PCDHGB6: variants seen among roughly 807,000 people sequenced by gnomAD.
The protein encoded by PCDHGB6 is protocadherin gamma-B6.
Under a neutral mutation model 59.1 loss-of-function variants are expected in PCDHGB6, and 51 were observed. That is an observed-to-expected ratio of 0.86 (90% CI 0.69 to 1.09). The LOEUF is 1.09. Among genes scored for constraint, PCDHGB6 ranks in the 50% least tolerant of loss-of-function variants. The pLI is 0.00. For synonymous variants in PCDHGB6, 466 were observed against 495.1 expected, an observed-to-expected ratio of 0.94 and a Z score of 0.78; for missense variants, 1,148 against 1,205.1, an observed-to-expected ratio of 0.95 and a Z score of 0.70.
rs553462245 is a variant in PCDHGB6 at position 141,511,198 on chromosome 5, A to T, written c.*25A>T. Reference sequence around the variant, plus strand: ...ACATGGAGGCCAGGCCAAGAGCCACAGGGCGGCCTCTCCCCAACCAGCCCA... The same window carrying T: ...ACATGGAGGCCAGGCCAAGAGCCACTGGGCGGCCTCTCCCCAACCAGCCCA... On this transcript the variant is annotated 3_prime_UTR_variant, in exon 4 of 4. Transcript: ENST00000520790. The T allele has an allele frequency of 2.7e-5, 43 of 1,612,954 alleles. 1 individual carries two copies. The South Asian group carries it at 4.5e-4, about 17-fold the overall frequency.
chr5:141,485,408 T>C lies in PCDHGB6; in HGVS notation c.2419-9399T>C. On this transcript the variant is annotated intron_variant, in intron 1 of 3. Transcript: ENST00000520790. The surrounding 1 kb of genome is among the most constrained non-coding windows in gnomAD (Gnocchi z 5.7). ...GAACCAAAGACACTTCCGTGTGGAT[T>C]TGGACAGCGGAGCCCTGCTCATCAA... 1 of 1,614,112 alleles carries C rather than the reference T, an allele frequency of 6.2e-7. No individual in the cohort carries two copies. Among genetic ancestry groups the C allele is most frequent in the Non-Finnish European group, 8.5e-7 (1 of 1,180,034 alleles).
Position 141,489,091 on chromosome 5 carries a change from T to A in PCDHGB6, c.2419-5716T>A. 1.9e-4 allele frequency: 63 copies of A among 332,802 alleles called. No individual in the cohort carries two copies. Among genetic ancestry groups the A allele is most frequent in the East Asian group, 2.9e-4 (6 of 20,542 alleles). The allele number at this position is 332,802 out of a possible 1,614,324, so 20.6% of individuals were successfully genotyped here. A position where few individuals can be genotyped will look rare whatever the true frequency, so the allele number is the denominator to read the frequency against. ...CTGCCCACCCCCGCCACTCGGTGAC[T>A]AAGAACTGCTGCAAGCAGGCAAACC... On this transcript the variant is annotated intron_variant, in intron 1 of 3. Transcript: ENST00000520790. This position sits in a 1 kb window ranked among gnomAD's most constrained non-coding sequence, Gnocchi z 4.5.
In PCDHGB6 at chr5:141,489,423, C is replaced by A. The variant is rs754178145; in HGVS notation, c.2419-5384C>A. 7.4e-6 allele frequency: 12 copies of A among 1,613,982 alleles called. No homozygotes were observed. Among genetic ancestry groups the A allele is most frequent in the Non-Finnish European group, 1.0e-5 (12 of 1,180,044 alleles). On this transcript the variant is annotated intron_variant, in intron 1 of 3. Transcript: ENST00000520790. The surrounding 1 kb of genome is among the most constrained non-coding windows in gnomAD (Gnocchi z 4.5). Reference sequence around the variant, plus strand: ...GCTTAAAGATGACAGATCTGTTGAGCCGGCGGCTGCAATTGGGCTCTGAGG... The same window carrying A: ...GCTTAAAGATGACAGATCTGTTGAGACGGCGGCTGCAATTGGGCTCTGAGG...
chr5:141,485,070 G>T lies in PCDHGB6; in HGVS notation c.2419-9737G>T. ...CGCCGGCCGAACCGCGCCAGAGCTG[G>T]CGCGGGGAAAGGGAGATAGGTGTCT... On this transcript the variant is annotated intron_variant, in intron 1 of 3. Coordinates refer to ENST00000520790, the MANE Select transcript of PCDHGB6 (RefSeq NM_018926.3). This position sits in a 1 kb window ranked among gnomAD's most constrained non-coding sequence, Gnocchi z 5.7. 1.1e-6 allele frequency: 1 copy of T among 908,406 alleles called. No individual in the cohort carries two copies. Among genetic ancestry groups the T allele is most frequent in the East Asian group, 2.4e-5 (1 of 41,326 alleles). 56.3% of individuals were successfully genotyped at this position (908,406 alleles called of 1,614,324 possible).
chr5:141,454,088 T>C (rs2154564493), intron 1 of PCDHGB6, among the ~76,000 whole-genome samples: 1 of 152,342 alleles, frequency 6.6e-6, no homozygotes. Context: ...CAGTGAAATT[T>C]GAATTGAACA....
intron 1 of PCDHGB6, among the ~76,000 whole-genome samples, chr5:141,482,793 C>T (rs900216099): frequency 3.9e-5 from 5 of 128,974 alleles, no homozygotes; most frequent in Non-Finnish European, 8.1e-5. Flanking sequence ...TGTGTGTGGC[C>T]GGGTACGGTG....
At position 141,489,924 on chromosome 5, in the gene PCDHGB6, C is replaced by G. The variant is rs755286650; in HGVS notation, c.2419-4883C>G. ...CAGCCCGCTCAGGGACCACCCTTAT[C>G]TCTGTCATCGTGCTGGACATCAATG... is the stretch of plus-strand genomic sequence containing the variant. On this transcript the variant is annotated intron_variant, in intron 1 of 3. Transcript: ENST00000520790. This position sits in a 1 kb window ranked among gnomAD's most constrained non-coding sequence, Gnocchi z 4.5. 22 of 1,614,226 alleles carry G rather than the reference C, an allele frequency of 1.4e-5. No homozygotes were observed. The highest frequency in any genetic ancestry group is 1.9e-5 in the Non-Finnish European group (22 of 1,180,030).
At position 141,431,376 on chromosome 5, in the gene PCDHGB6, C is replaced by T. The variant is rs558222633; in HGVS notation, c.2418+20756C>T. The T allele has an allele frequency of 1.2e-6, 2 of 1,613,436 alleles. No homozygotes were observed. Among genetic ancestry groups the T allele is most frequent in the African/African-American group, 2.7e-5 (2 of 75,070 alleles). On this transcript the variant is annotated intron_variant, in intron 1 of 3. Coordinates refer to ENST00000520790, the MANE Select transcript of PCDHGB6 (RefSeq NM_018926.3). The surrounding 1 kb of genome is among the most constrained non-coding windows in gnomAD (Gnocchi z 4.8). Reference sequence around the variant, plus strand: ...CGCGCCCTGGACCGCGAAGAAAAGGCTGCTCACCACCTGGTCCTTACGGCC... The same window carrying T: ...CGCGCCCTGGACCGCGAAGAAAAGGTTGCTCACCACCTGGTCCTTACGGCC...
chr5:141,432,035 G>C lies in PCDHGB6; in HGVS notation c.2418+21415G>C. 6 of 1,614,218 alleles carry C rather than the reference G, an allele frequency of 3.7e-6. No homozygotes were observed. Among genetic ancestry groups the C allele is most frequent in the Non-Finnish European group, 5.1e-6 (6 of 1,180,046 alleles). ...CTACAACATCACAGTGACCGCCACT[G>C]ACCGGGGAACCCCGCCCCTATCCAC... On this transcript the variant is annotated intron_variant, in intron 1 of 3. Coordinates refer to ENST00000520790, the MANE Select transcript of PCDHGB6 (RefSeq NM_018926.3). The surrounding 1 kb of genome is among the most constrained non-coding windows in gnomAD (Gnocchi z 6.0).
chr5:141,420,382 C>A, intron 1 of PCDHGB6: 1 of 1,300,530 alleles, frequency 7.7e-7, no homozygotes. Flanking sequence ...ATAGAGTTCG[C>A]AAAATATAGG....
In PCDHGB6 at chr5:141,434,333, G is replaced by A. The variant is rs200059384; in HGVS notation, c.2418+23713G>A. On this transcript the variant is annotated intron_variant, in intron 1 of 3. Coordinates refer to ENST00000520790, the MANE Select transcript of PCDHGB6 (RefSeq NM_018926.3). The stretch of plus-strand genomic sequence containing the variant: ...TCTTCCTCTTGCTGCTTGTCTCTTT[G>A]TGTCGGGAACAGGCCCCCCAAAATC... Among the ~76,000 whole-genome samples, 23 of 152,220 alleles carry A rather than the reference G, an allele frequency of 1.5e-4. No individual in the cohort carries two copies. In the East Asian group the frequency reaches 4.3e-3, roughly 28 times the overall value.
intron 1 of PCDHGB6, among the ~76,000 whole-genome samples, chr5:141,433,404 T>TATCTATCA (rs757435896): frequency 6.8e-6 from 1 of 146,200 alleles, no homozygotes; most frequent in Non-Finnish European, 1.5e-5. Flanking sequence ...TCTATCTATC[T>TATCTATCA]ATTACTTTCT....
chr5:141,502,491 T>G lies in PCDHGB6; in HGVS notation c.2478-2902T>G, dbSNP rs557202239. Among the ~76,000 whole-genome samples, 1,415 of 152,344 alleles carry G rather than the reference T, an allele frequency of 9.3e-3. 29 individuals carry two copies. The highest frequency in any genetic ancestry group is 0.033 in the African/African-American group (1,352 of 41,578). ...TCCCGCAGCATCACACTGGGACTCA[T>G]CTAACGTCGGCCTGTCCCACTATCA... is the stretch of plus-strand genomic sequence containing the variant. On this transcript the variant is annotated intron_variant, in intron 2 of 3. Transcript: ENST00000520790.
At chr5:141,501,997 C>A (rs2099812238) in intron 2 of PCDHGB6, among the ~76,000 whole-genome samples, 1 of 152,128 alleles carries the variant, frequency 6.6e-6, no homozygotes, top group Non-Finnish European at 1.5e-5. Context: ...GTCTCCCTGA[C>A]AACCCGCATG....
At chr5:141,434,337 C>T (rs939910421) in intron 1 of PCDHGB6, among the ~76,000 whole-genome samples, 13 of 152,230 alleles carry the variant, frequency 8.5e-5, no homozygotes, top group African/African-American at 2.4e-4. Context: ...CTCTTTGTGT[C>T]GGGAACAGGC....
At chr5:141,509,128 A>C (rs995210331) in intron 3 of PCDHGB6, among the ~76,000 whole-genome samples, 8 of 151,958 alleles carry the variant, frequency 5.3e-5, no homozygotes, top group African/African-American at 1.7e-4. Flanking sequence ...TGAAGAGAAA[A>C]ACCGAGGCGC....
Position 141,491,287 on chromosome 5 carries a change from C to T in PCDHGB6, c.2419-3520C>T, listed in dbSNP as rs1562145447. 2 of 1,614,030 alleles carry T rather than the reference C, an allele frequency of 1.2e-6. No homozygotes were observed. Among genetic ancestry groups the T allele is most frequent in the Admixed American group, 1.7e-5 (1 of 60,032 alleles). On this transcript the variant is annotated intron_variant, in intron 1 of 3. Coordinates refer to ENST00000520790, the MANE Select transcript of PCDHGB6 (RefSeq NM_018926.3). The surrounding 1 kb of genome is among the most constrained non-coding windows in gnomAD (Gnocchi z 6.9). ...GCCCAAATCCAGTGACTTCCTCATA[C>T]ACCCTCCTGAGCGTTCAGACCTTAC... is the stretch of plus-strand genomic sequence containing the variant.
At position 141,431,123 on chromosome 5, in the gene PCDHGB6, GAAGT is replaced by G. The variant is rs751548736; in HGVS notation, c.2418+20507_2418+20510del. The G allele has an allele frequency of 1.2e-6, 2 of 1,614,100 alleles. No individual in the cohort carries two copies. The highest frequency in any genetic ancestry group is 3.3e-5 in the Admixed American group (2 of 60,014). On this transcript the variant is annotated intron_variant, in intron 1 of 3. Transcript: ENST00000520790. This position sits in a 1 kb window ranked among gnomAD's most constrained non-coding sequence, Gnocchi z 4.8. ...AGTGAAAATATATGGAGTAGAAGTA[GAAGT>G]AAGGGACATTAACGACAATGCGCCT... is the stretch of plus-strand genomic sequence containing the variant.
intron 2 of PCDHGB6, among the ~76,000 whole-genome samples, chr5:141,503,950 C>T (rs1216385793): frequency 3.3e-5 from 5 of 152,180 alleles, no homozygotes; most frequent in Non-Finnish European, 7.3e-5. Flanking sequence ...CAAGGCCTAC[C>T]CTACAGCCTT....
Sources: allele counts gnomAD v4.1 joint callset (sites outside exome capture counted in the v4.1 genomes callset), GRCh38; gene constraint gnomAD v4.1.1; non-coding constraint Gnocchi (gnomAD v3.1); transcripts MANE v1.5; gene names NCBI Gene and HGNC (gene_info 2026-07-23, HGNC 2026-07-21).